Variants in HAO1 observed in about 807,000 individuals in gnomAD.
HAO1 encodes the protein 2-Hydroxyacid oxidase 1.
HAO1 carries 34 observed loss-of-function variants against 39.7 expected under a neutral mutation model. That is an observed-to-expected ratio of 0.86 (90% confidence interval 0.65 to 1.14). The LOEUF (loss-of-function observed/expected upper bound fraction) is 1.14, where lower values mean the gene tolerates loss of function less well. Among genes scored for constraint, HAO1 ranks in the 50% most tolerant of loss-of-function variants. HAO1 has a pLI of 0.00. For missense variants in HAO1, 479 were observed against 464.5 expected, an observed-to-expected ratio of 1.03 and a Z score of -0.29; for synonymous variants, 172 against 173.2, an observed-to-expected ratio of 0.99 and a Z score of 0.05.
chr20:7,935,677 A>G (rs1216156262), intron 1 of HAO1, among the ~76,000 whole-genome samples: 1 of 152,214 alleles, frequency 6.6e-6, no homozygotes, highest in African/African-American at 2.4e-5. Context: ...TGTTTCTGTG[A>G]TTCTTCTGTG....
chr20:7,908,801 T>C (rs961786172), intron 3 of HAO1, among the ~76,000 whole-genome samples: 10 of 152,218 alleles, frequency 6.6e-5, no homozygotes, highest in Admixed American at 2.0e-4. Context: ...GTACATTATA[T>C]CATAGTCCTT....
intron 5 of HAO1, among the ~76,000 whole-genome samples, chr20:7,886,763 G>C (rs2050153048): frequency 6.6e-6 from 1 of 152,198 alleles, no homozygotes; most frequent in Admixed American, 6.5e-5. Flanking sequence ...AAGTGCACTT[G>C]CCTGCACCTT....
chr20:7,912,454 A>G (rs1174321043), intron 3 of HAO1, among the ~76,000 whole-genome samples: 1 of 152,202 alleles, frequency 6.6e-6, no homozygotes, highest in South Asian at 2.1e-4. Context: ...TACTATTGTT[A>G]GTAGTAGTAG....
chr20:7,938,370 GTTGA>G (rs2050423506), intron 1 of HAO1, among the ~76,000 whole-genome samples: 1 of 137,960 alleles, frequency 7.2e-6, no homozygotes, highest in Non-Finnish European at 1.5e-5. Context: ...TCCAAAGAAA[GTTGA>G]TTGATTTTTT....
intron 5 of HAO1, among the ~76,000 whole-genome samples, chr20:7,893,833 C>A (rs577675093): frequency 6.6e-6 from 1 of 152,274 alleles, no homozygotes; most frequent in African/African-American, 2.4e-5. Context: ...GAATTAAACT[C>A]TTCCTCTATT....
At chr20:7,929,508 T>G (rs1185030296) in intron 2 of HAO1, among the ~76,000 whole-genome samples, 3 of 152,194 alleles carry the variant, frequency 2.0e-5, no homozygotes, top group Non-Finnish European at 4.4e-5. Flanking sequence ...GTATTCATCA[T>G]CATTTTGAAA....
chr20:7,925,323 C>T (rs1427688208), intron 2 of HAO1, among the ~76,000 whole-genome samples: 1 of 152,150 alleles, frequency 6.6e-6, no homozygotes, highest in Non-Finnish European at 1.5e-5. Flanking sequence ...GTGCTTTCAT[C>T]ATGGCCCATT....
intron 2 of HAO1, among the ~76,000 whole-genome samples, chr20:7,916,335 A>G (rs1182100743): frequency 6.6e-6 from 1 of 152,236 alleles, no homozygotes; most frequent in African/African-American, 2.4e-5. Flanking sequence ...CCTTCAAGTC[A>G]TTTGACTCAT....
intron 5 of HAO1, 117 bp from the exon 6 acceptor site, chr20:7,885,981 G>T (rs949472984): frequency 1.7e-5 from 13 of 761,926 alleles, no homozygotes; most frequent in African/African-American, 3.5e-5. Flanking sequence ...AGCCAAGTAG[G>T]TTTGGGGTAA....
chr20:7,930,148 A>C (rs909329557), intron 2 of HAO1, among the ~76,000 whole-genome samples: 1 of 152,088 alleles, frequency 6.6e-6, no homozygotes, highest in Admixed American at 6.6e-5. Flanking sequence ...ATTGATAACT[A>C]ACCCGTTTTC....
rs1420114869 is a variant in HAO1 at position 7,883,772 on chromosome 20, A to C, written c.1043-109T>G. ...TTGACAAATGTAAGGTTTATGATTCAAGGTAGGCTTGCCAAATCTTATGTG... is the reference window on the plus strand; with the variant it reads ...TTGACAAATGTAAGGTTTATGATTCCAGGTAGGCTTGCCAAATCTTATGTG... On this transcript the variant is annotated intron_variant, in intron 7 of 7. Transcript: ENST00000378789. 17 of 951,560 alleles carry C rather than the reference A, an allele frequency of 1.8e-5. No homozygotes were observed. In the Admixed American group the frequency reaches 2.9e-4, roughly 16 times the overall value. 58.9% of individuals were successfully genotyped at this position (951,560 alleles called of 1,614,324 possible). A position where few individuals can be genotyped will look rare whatever the true frequency, so the allele number is the denominator to read the frequency against.
At position 7,911,907 on chromosome 20, in the gene HAO1, G is replaced by A. The variant is rs2281026; in HGVS notation, c.545+2257C>T. 6.3e-3 allele frequency among the ~76,000 whole-genome samples: 956 copies of A among 152,304 alleles called. 58 individuals are homozygous for A. In the East Asian group the frequency reaches 0.16, roughly 25 times the overall value. On this transcript the variant is annotated intron_variant, in intron 3 of 7. Coordinates refer to ENST00000378789, the MANE Select transcript of HAO1 (RefSeq NM_017545.3). ...TTTTGGGGTGTATTTGGCCTCAGGCGGAAGCCTGGACCTCCCGTTAGCATG... is the reference window on the plus strand; with the variant it reads ...TTTTGGGGTGTATTTGGCCTCAGGCAGAAGCCTGGACCTCCCGTTAGCATG...
intron 4 of HAO1, among the ~76,000 whole-genome samples, chr20:7,900,618 G>C (rs1417826182): frequency 6.6e-6 from 1 of 152,082 alleles, no homozygotes; most frequent in African/African-American, 2.4e-5. Flanking sequence ...AACTTAATAA[G>C]TGTGTGTATT....
chr20:7,896,014 G>T (rs1324755677), intron 4 of HAO1, among the ~76,000 whole-genome samples: 2 of 152,056 alleles, frequency 1.3e-5, no homozygotes, highest in African/African-American at 4.8e-5. Context: ...AGAAGTTGCA[G>T]TGAGCCAAGA....
chr20:7,930,994 C>T (rs943206719), intron 2 of HAO1, among the ~76,000 whole-genome samples: 3 of 152,154 alleles, frequency 2.0e-5, no homozygotes, highest in African/African-American at 7.2e-5. Flanking sequence ...AGCTGATGAC[C>T]ATCAGCTTTC....
At chr20:7,895,405 C>T (rs2050192369) in intron 4 of HAO1, among the ~76,000 whole-genome samples, 181 bp from the exon 5 acceptor site, 2 of 150,802 alleles carry the variant, frequency 1.3e-5, no homozygotes. Context: ...TTTTCTTGGC[C>T]AAAAACAACA....
At chr20:7,940,201 C>T (rs1220569965) in intron 1 of HAO1, 85 bp downstream of exon 1, 1 of 1,106,994 alleles carries the variant, frequency 9.0e-7, no homozygotes, top group East Asian at 2.6e-5. Flanking sequence ...TAATTACACA[C>T]CACCAACGTA....
chr20:7,913,568 A>T (rs1398315010), intron 3 of HAO1, among the ~76,000 whole-genome samples: 1 of 152,212 alleles, frequency 6.6e-6, no homozygotes, highest in African/African-American at 2.4e-5. Flanking sequence ...GCTTGTGGAC[A>T]GGGTGAATGA....
chr20:7,922,795 A>G (rs1005908211), intron 2 of HAO1, among the ~76,000 whole-genome samples: 2 of 152,090 alleles, frequency 1.3e-5, no homozygotes, highest in African/African-American at 4.8e-5. Flanking sequence ...TCCCAGTGTA[A>G]GTTTTTGGTT....
Sources: gnomAD v4.1 joint callset for allele counts (sites outside exome capture counted in the v4.1 genomes callset) on GRCh38, gnomAD v4.1.1 for gene constraint, MANE v1.5 for transcripts, NCBI Gene and HGNC (gene_info 2026-07-23, HGNC 2026-07-21) for gene names.